Variants in DIS3L2 observed in about 807,000 individuals in gnomAD.
DIS3L2 encodes DIS3-like exonuclease 2.
DIS3L2 carries 34 observed loss-of-function variants against 97.5 expected under a neutral mutation model. That is an observed-to-expected ratio of 0.35 (90% CI 0.27 to 0.46). The LOEUF (loss-of-function observed/expected upper bound fraction) is 0.46, where lower values mean the gene tolerates loss of function less well. DIS3L2 is among the 20% of genes least tolerant of loss of function. The probability of loss-of-function intolerance (pLI) is 1.00; values close to 1 mark genes in which losing one functional copy is unlikely to be tolerated. For missense variants in DIS3L2, 1,038 were observed against 1,146.0 expected (o/e 0.91, Z 1.36); for synonymous variants, 435 against 445.2 (o/e 0.98, Z 0.29).
chr2:232,330,029 G>C, intron 15 of DIS3L2, 33 bp downstream of exon 15: 1 of 1,578,744 alleles, frequency 6.3e-7, no homozygotes, highest in Non-Finnish European at 8.6e-7. Context: ...GGGAGGCCCT[G>C]CTTGGGGGAA....
chr2:232,232,030 G>A (rs911303584), intron 10 of DIS3L2, among the ~76,000 whole-genome samples: 3 of 152,200 alleles, frequency 2.0e-5, no homozygotes, highest in Admixed American at 6.5e-5. Flanking sequence ...GAACCGCGGG[G>A]AGACCCCTGG....
intron 1 of DIS3L2, among the ~76,000 whole-genome samples, chr2:232,000,130 C>G (rs1377262119): frequency 6.6e-6 from 1 of 152,138 alleles, no homozygotes; most frequent in Non-Finnish European, 1.5e-5. Flanking sequence ...TTTAAATCCT[C>G]TAGGTTACTT....
At chr2:232,279,255 G>A (rs944196120) in intron 13 of DIS3L2, among the ~76,000 whole-genome samples, 8 of 152,148 alleles carry the variant, frequency 5.3e-5, no homozygotes, top group Non-Finnish European at 8.8e-5. Flanking sequence ...TATTTCTTAT[G>A]TGCTTGTCAG....
chr2:232,242,171 A>G (rs1376148511), intron 11 of DIS3L2, among the ~76,000 whole-genome samples: 1 of 152,252 alleles, frequency 6.6e-6, no homozygotes, highest in African/African-American at 2.4e-5. Context: ...TTAAACAGAG[A>G]TGTTGGCTGG....
At position 232,262,599 on chromosome 2, in the gene DIS3L2, A is replaced by G. The variant is rs190176427; in HGVS notation, c.1426-608A>G. Among the ~76,000 whole-genome samples, 290 of 152,364 alleles carry G rather than the reference A, an allele frequency of 1.9e-3. 1 individual carries two copies. The highest frequency in any genetic ancestry group is 6.7e-3 in the African/African-American group (277 of 41,586). ...GGCCAGGGATACTGCTGAACATTTT[A>G]TAATATACAGTTCAGCCCCCTGGCC... is the stretch of plus-strand genomic sequence containing the variant. On this transcript the variant is annotated intron_variant, in intron 12 of 20. Coordinates refer to ENST00000325385, the MANE Select transcript of DIS3L2 (RefSeq NM_152383.5).
At chr2:232,075,550 G>A (rs1696162093) in intron 5 of DIS3L2, among the ~76,000 whole-genome samples, 1 of 152,074 alleles carries the variant, frequency 6.6e-6, no homozygotes, top group Non-Finnish European at 1.5e-5. Flanking sequence ...CATATTATGG[G>A]TAACCCTCTA....
At chr2:231,976,520 T>C (rs1693098740) in intron 1 of DIS3L2, among the ~76,000 whole-genome samples, 2 of 151,642 alleles carry the variant, frequency 1.3e-5, no homozygotes, top group Non-Finnish European at 2.9e-5. Flanking sequence ...TCCCAGCTAC[T>C]TGGGGGGCTG....
At position 232,294,592 on chromosome 2, in the gene DIS3L2, C is replaced by A. The variant is rs182239817; in HGVS notation, c.1660-5448C>A. Among the ~76,000 whole-genome samples, 148 of 152,250 alleles carry A rather than the reference C, an allele frequency of 9.7e-4. 1 individual carries two copies. Among genetic ancestry groups the A allele is most frequent in the African/African-American group, 3.3e-3 (139 of 41,548 alleles). On this transcript the variant is annotated intron_variant, in intron 13 of 20. Transcript: ENST00000325385. ...ACTTCTTTTTGGATCTTGTTTTTGA[C>A]CAGCCATCTCCAAGGTCAGACACAC...
At chr2:232,294,275 G>C (rs1030651807) in intron 13 of DIS3L2, among the ~76,000 whole-genome samples, 1 of 152,218 alleles carries the variant, frequency 6.6e-6, no homozygotes, top group Non-Finnish European at 1.5e-5. Flanking sequence ...GGTTGGGTCT[G>C]CTTCCCCCCG....
rs1386492570 is a variant in DIS3L2 at position 232,030,038 on chromosome 2, G to A, written c.324G>A (p.Gly108=). ...GVVARNRALN[G]DLVVVKLLPE... is the part of the protein sequence containing the mutation. ...TTGCTCGTAATAGAGCCTTAAATGGGGATCTGGTGGTCGTGAAACTGCTTC... is the reference window on the plus strand; with the variant it reads ...TTGCTCGTAATAGAGCCTTAAATGGAGATCTGGTGGTCGTGAAACTGCTTC... Residue 108 remains glycine (G), a synonymous_variant, in exon 5 of 21, where the codon GGG becomes GGA. Coordinates refer to ENST00000325385, the MANE Select transcript of DIS3L2 (RefSeq NM_152383.5). 6.2e-7 allele frequency: 1 copy of A among 1,611,148 alleles called. No homozygotes were observed. The highest frequency in any genetic ancestry group is 1.1e-5 in the South Asian group (1 of 90,380).
At chr2:232,090,575 C>T (rs776994452) in intron 6 of DIS3L2, among the ~76,000 whole-genome samples, 4 of 152,124 alleles carry the variant, frequency 2.6e-5, no homozygotes, top group Admixed American at 6.6e-5. Flanking sequence ...TAAAAAAAAT[C>T]TGGTTACCAT....
chr2:232,019,073 A>G (rs1269955102), intron 3 of DIS3L2, among the ~76,000 whole-genome samples: 1 of 152,168 alleles, frequency 6.6e-6, no homozygotes, highest in African/African-American at 2.4e-5. Context: ...GCTGTTTCAG[A>G]TCCCAAAAGA....
chr2:232,262,178 A>G (rs1423665322), intron 12 of DIS3L2, among the ~76,000 whole-genome samples: 1 of 152,086 alleles, frequency 6.6e-6, no homozygotes, highest in Admixed American at 6.6e-5. Context: ...TGTTAGGCCA[A>G]GCAGCCCCAC....
intron 10 of DIS3L2, among the ~76,000 whole-genome samples, chr2:232,234,373 A>G (rs1250708003): frequency 6.6e-6 from 1 of 152,192 alleles, no homozygotes; most frequent in African/African-American, 2.4e-5. Flanking sequence ...TCTTCTTGAG[A>G]CGGAGTCTCA....
intron 1 of DIS3L2, among the ~76,000 whole-genome samples, chr2:231,971,592 C>T (rs575296469): frequency 2.0e-5 from 3 of 152,166 alleles, no homozygotes; most frequent in Non-Finnish European, 2.9e-5. Flanking sequence ...GGACTACAGG[C>T]GCCCGCCACC....
At chr2:231,995,441 A>AT (rs957730171) in intron 1 of DIS3L2, among the ~76,000 whole-genome samples, 3 of 151,728 alleles carry the variant, frequency 2.0e-5, no homozygotes, top group South Asian at 2.1e-4. Flanking sequence ...GACACCTGTG[A>AT]TTTTTTTTCC....
At chr2:232,100,759 A>G (rs1317264706) in intron 6 of DIS3L2, among the ~76,000 whole-genome samples, 2 of 151,430 alleles carry the variant, frequency 1.3e-5, no homozygotes, top group Non-Finnish European at 2.9e-5. Context: ...ATAGTTTATT[A>G]TATTGTCTAT....
chr2:232,298,228 T>G (rs1009922749), intron 13 of DIS3L2, among the ~76,000 whole-genome samples: 2 of 152,150 alleles, frequency 1.3e-5, no homozygotes, highest in Admixed American at 1.3e-4. Flanking sequence ...TAAATAACAC[T>G]GGGGGGAACA....
intron 9 of DIS3L2, among the ~76,000 whole-genome samples, chr2:232,187,640 A>G (rs1691478217): frequency 2.0e-5 from 3 of 151,976 alleles, no homozygotes; most frequent in Admixed American, 2.0e-4. Context: ...ACAGGGTTTC[A>G]CCATGTTGGC....
Sources: gnomAD v4.1 joint callset for allele counts (sites outside exome capture counted in the v4.1 genomes callset) on GRCh38, gnomAD v4.1.1 for gene constraint, MANE v1.5 for transcripts, NCBI Gene and HGNC (gene_info 2026-07-23, HGNC 2026-07-21) for gene names.